PRKAG2: variants seen among roughly 807,000 people sequenced by gnomAD.
PRKAG2 encodes 5'-AMP-activated protein kinase subunit gamma-2.
A neutral mutation model predicts 69.6 loss-of-function variants in PRKAG2; 26 were observed. The observed-to-expected ratio is 0.37, with a 90% confidence interval of 0.27 to 0.52. The LOEUF (loss-of-function observed/expected upper bound fraction) is 0.52. Among genes scored for constraint, PRKAG2 ranks in the 20% least tolerant of loss-of-function variants. PRKAG2 has a pLI of 0.90. For missense variants in PRKAG2, 557 were observed against 740.0 expected (o/e 0.75, Z 2.87); for synonymous variants, 293 against 285.0 (o/e 1.03, Z -0.28).
At chr7:151,760,507 G>A (rs1331925538) in intron 3 of PRKAG2, among the ~76,000 whole-genome samples, 1 of 152,282 alleles carries the variant, frequency 6.6e-6, no homozygotes, top group South Asian at 2.1e-4. Context: ...CCAAAGTGCT[G>A]GGATTACAGG....
intron 5 of PRKAG2, among the ~76,000 whole-genome samples, chr7:151,626,242 G>A (rs922583304): frequency 1.3e-5 from 2 of 152,092 alleles, no homozygotes; most frequent in African/African-American, 4.8e-5. Context: ...ACTAGTCAGG[G>A]ATCTTCCGGT....
At chr7:151,830,981 T>C (rs1278051247) in intron 1 of PRKAG2, among the ~76,000 whole-genome samples, 1 of 151,892 alleles carries the variant, frequency 6.6e-6, no homozygotes, top group Non-Finnish European at 1.5e-5. Context: ...TATATGAAGA[T>C]AAGCTCAACA....
At chr7:151,623,057 T>C (rs763928036) in intron 5 of PRKAG2, among the ~76,000 whole-genome samples, 39 of 152,074 alleles carry the variant, frequency 2.6e-4, no homozygotes, top group South Asian at 6.2e-4. Context: ...CTCAGATCAT[T>C]TGGCATGAGT....
rs567278184 is a variant in PRKAG2 at position 151,814,787 on chromosome 7, G to T, written c.115-28246C>A. The T allele has an allele frequency of 2.5e-5, 31 of 1,231,702 alleles. No homozygotes were observed. Among genetic ancestry groups the T allele is most frequent in the Non-Finnish European group, 2.9e-5 (29 of 988,022 alleles). 76.3% of individuals were successfully genotyped at this position (1,231,702 alleles called of 1,614,324 possible). On this transcript the variant is annotated intron_variant, in intron 1 of 15. Coordinates refer to ENST00000287878, the MANE Select transcript of PRKAG2 (RefSeq NM_016203.4). The surrounding 1 kb of genome is among the most constrained non-coding windows in gnomAD (Gnocchi z 4.8). ...AGCTGCTTTGCTGCTCAAAATGCAG[G>T]CAGAGCTCGGGCAGATTCCCCCATT...
At position 151,876,308 on chromosome 7, in the gene PRKAG2, A is replaced by T. The variant is rs1195894385; in HGVS notation, c.114+199T>A. Reference sequence around the variant, plus strand: ...CAGGCGGAGCCCCAGCCCTGGCTGCACGCGGGCAGAGAGAGAGATTGAGCC... The same window carrying T: ...CAGGCGGAGCCCCAGCCCTGGCTGCTCGCGGGCAGAGAGAGAGATTGAGCC... On this transcript the variant is annotated intron_variant, in intron 1 of 15. Transcript: ENST00000287878. 2.6e-5 allele frequency among the ~76,000 whole-genome samples: 4 copies of T among 152,078 alleles called. No homozygotes were observed. In the East Asian group the frequency reaches 5.8e-4, roughly 22 times the overall value.
chr7:151,695,879 G>A (rs1208645729), intron 3 of PRKAG2, among the ~76,000 whole-genome samples: 1 of 152,166 alleles, frequency 6.6e-6, no homozygotes, highest in African/African-American at 2.4e-5. Flanking sequence ...TCTGTAGACA[G>A]GTGGAAACCG....
intron 5 of PRKAG2, among the ~76,000 whole-genome samples, chr7:151,628,835 C>T (rs773892860): frequency 6.6e-6 from 1 of 152,168 alleles, no homozygotes; most frequent in Non-Finnish European, 1.5e-5. Flanking sequence ...TGAGAACTTG[C>T]TATGTGCCAG....
At chr7:151,746,142 C>T (rs1422430660) in intron 3 of PRKAG2, among the ~76,000 whole-genome samples, 1 of 152,166 alleles carries the variant, frequency 6.6e-6, no homozygotes, top group East Asian at 1.9e-4. Context: ...GAGAAGGACC[C>T]GGTTAACTCC....
At chr7:151,600,187 T>C (rs1043257539) in intron 5 of PRKAG2, among the ~76,000 whole-genome samples, 5 of 152,154 alleles carry the variant, frequency 3.3e-5, no homozygotes, top group African/African-American at 1.2e-4. Context: ...CCGAAATCCT[T>C]CCCTATTTTC....
intron 3 of PRKAG2, among the ~76,000 whole-genome samples, chr7:151,732,681 A>C (rs1312424532): frequency 6.6e-6 from 1 of 152,128 alleles, no homozygotes; most frequent in East Asian, 1.9e-4. Context: ...GCCAGATCAC[A>C]GAAAAGGCAC....
At chr7:151,566,861 A>C (rs1806376848) in intron 11 of PRKAG2, among the ~76,000 whole-genome samples, 1 of 152,180 alleles carries the variant, frequency 6.6e-6, no homozygotes, top group African/African-American at 2.4e-5. Flanking sequence ...AATTCAGTAA[A>C]AATCAGGCTC....
At chr7:151,876,404 G>A (rs911272930) in intron 1 of PRKAG2, 103 bp downstream of exon 1, 7 of 1,141,432 alleles carry the variant, frequency 6.1e-6, no homozygotes, top group Non-Finnish European at 7.8e-6. Context: ...TGACAGGAGG[G>A]GCACGCACGG....
At chr7:151,669,794 GTGCACACACT>G (rs1425259236) in intron 4 of PRKAG2, among the ~76,000 whole-genome samples, 4 of 112,600 alleles carry the variant, frequency 3.6e-5, no homozygotes, top group South Asian at 2.9e-4. Context: ...GCACACACCT[GTGCACACACT>G]TGCACACACA....
intron 14 of PRKAG2, among the ~76,000 whole-genome samples, chr7:151,562,244 C>CAAAAAAA (rs575674668): frequency 1.6e-4 from 6 of 38,472 alleles, no homozygotes; most frequent in Non-Finnish European, 3.1e-4. Context: ...GACTTTGTCT[C>CAAAAAAA]AAAAAAAAAA....
Position 151,747,067 on chromosome 7 carries a change from G to A in PRKAG2, c.466+34085C>T, listed in dbSNP as rs140007570. On this transcript the variant is annotated intron_variant, in intron 3 of 15. Coordinates refer to ENST00000287878, the MANE Select transcript of PRKAG2 (RefSeq NM_016203.4). ...AGGTACCATTCAAGGCAGGAACATG[G>A]GCTGCCACAGAGCAGGTAGTGGCAC... 5.1e-4 allele frequency among the ~76,000 whole-genome samples: 77 copies of A among 152,320 alleles called. 1 individual carries two copies. The East Asian group carries it at 0.013, about 26-fold the overall frequency.
At chr7:151,749,863 G>A (rs560368657) in intron 3 of PRKAG2, among the ~76,000 whole-genome samples, 12 of 151,744 alleles carry the variant, frequency 7.9e-5, no homozygotes, top group African/African-American at 1.4e-4. Flanking sequence ...TTGGGAGGCC[G>A]AGGTGGGCAG....
intron 4 of PRKAG2, among the ~76,000 whole-genome samples, chr7:151,653,274 C>CTTT (rs993003574): frequency 2.0e-5 from 3 of 152,084 alleles, no homozygotes; most frequent in Middle Eastern, 3.2e-3. Flanking sequence ...AATACGTTAG[C>CTTT]TTTTTGCCTA....
intron 3 of PRKAG2, among the ~76,000 whole-genome samples, chr7:151,702,704 T>C (rs74421694): frequency 0.018 from 2,687 of 152,330 alleles, 85 homozygotes; most frequent in African/African-American, 0.062. Context: ...CACCAAGTCC[T>C]GTTATTGGAT....
chr7:151,684,589 G>A (rs878900347), intron 3 of PRKAG2, among the ~76,000 whole-genome samples: 3 of 152,190 alleles, frequency 2.0e-5, no homozygotes, highest in Admixed American at 6.5e-5. Flanking sequence ...AGCAGGTGAC[G>A]TCTCCGGGAG....
Sources: allele counts gnomAD v4.1 joint callset (sites outside exome capture counted in the v4.1 genomes callset), GRCh38; gene constraint gnomAD v4.1.1; non-coding constraint Gnocchi (gnomAD v3.1); transcripts MANE v1.5; gene names NCBI Gene and HGNC (gene_info 2026-07-23, HGNC 2026-07-21).